The following ASTN1 variants were observed in gnomAD, a reference collection of about 807,000 sequenced individuals.
The protein encoded by ASTN1 is astrotactin 1, also known as astrotactin-1.
A neutral mutation model predicts 140.7 loss-of-function variants in ASTN1; 41 were observed. The ratio of observed to expected loss-of-function variants is 0.29; its 90% CI spans 0.23 to 0.38. The LOEUF is 0.38. Ranked by LOEUF, ASTN1 falls within the 10% of genes least tolerant of loss-of-function variation. ASTN1 has a pLI of 1.00. For missense variants in ASTN1, 1,479 were observed against 1,678.8 expected, an observed-to-expected ratio of 0.88 and a Z score of 2.08; for synonymous variants, 640 against 652.2, an observed-to-expected ratio of 0.98 and a Z score of 0.29.
chr1:176,873,422 A>T (rs1051055169), intron 21 of ASTN1, among the ~76,000 whole-genome samples: 1 of 152,198 alleles, frequency 6.6e-6, no homozygotes, highest in Non-Finnish European at 1.5e-5. Context: ...TGATGCAGGA[A>T]AATTCCTCAG....
In ASTN1 at chr1:177,033,264, C is replaced by T. The variant is rs1676543467; in HGVS notation, c.472-415G>A. ...TATTTTTTTTAGCAATATGGGGTGACATCTGGTTTCTTCCTGTCTCACGTC... is the reference window on the plus strand; with the variant it reads ...TATTTTTTTTAGCAATATGGGGTGATATCTGGTTTCTTCCTGTCTCACGTC... On this transcript the variant is annotated intron_variant, in intron 2 of 22. Coordinates refer to ENST00000361833, the MANE Select transcript of ASTN1 (RefSeq NM_004319.3). Among the ~76,000 whole-genome samples, 3 of 151,924 alleles carry T rather than the reference C, an allele frequency of 2.0e-5. No individual in the cohort carries two copies. In the South Asian group the frequency reaches 6.2e-4, roughly 31 times the overall value.
intron 14 of ASTN1, among the ~76,000 whole-genome samples, chr1:176,939,111 C>CAA (rs34775788): frequency 7.6e-6 from 1 of 131,810 alleles, no homozygotes. Context: ...GACACCATCT[C>CAA]AAAAAAAAAA....
intron 11 of ASTN1, among the ~76,000 whole-genome samples, chr1:176,950,545 G>A (rs1557984551): frequency 6.6e-6 from 1 of 152,010 alleles, no homozygotes; most frequent in African/African-American, 2.4e-5. Flanking sequence ...CATTAACATT[G>A]CCAGTTAATT....
intron 2 of ASTN1, among the ~76,000 whole-genome samples, chr1:177,055,055 C>A (rs931326268): frequency 6.6e-6 from 1 of 152,116 alleles, no homozygotes; most frequent in African/African-American, 2.4e-5. Context: ...ACAGAGAAGG[C>A]CTCAGTGGAT....
chr1:177,147,647 A>T (rs1294227995), intron 1 of ASTN1, among the ~76,000 whole-genome samples: 1 of 152,168 alleles, frequency 6.6e-6, no homozygotes, highest in Non-Finnish European at 1.5e-5. Context: ...TATGAAGTGG[A>T]GGAGAGTTGT....
intron 2 of ASTN1, among the ~76,000 whole-genome samples, chr1:177,043,813 C>A (rs1029842453): frequency 6.6e-6 from 1 of 152,186 alleles, no homozygotes; most frequent in Non-Finnish European, 1.5e-5. Context: ...CCCTTCATTC[C>A]TTGCCAGCAA....
intron 8 of ASTN1, among the ~76,000 whole-genome samples, chr1:176,983,406 A>G (rs1275818046): frequency 1.3e-5 from 2 of 152,228 alleles, no homozygotes. Flanking sequence ...AAAGACAGAT[A>G]GGAAAAAGCA....
At chr1:177,045,658 C>T (rs766314533) in intron 2 of ASTN1, among the ~76,000 whole-genome samples, 1 of 152,174 alleles carries the variant, frequency 6.6e-6, no homozygotes, top group South Asian at 2.1e-4. Context: ...CTTCTCTTCA[C>T]CCAACCTCAC....
Position 176,864,536 on chromosome 1 carries a change from C to CA in ASTN1, c.3648-16dup. Reference sequence around the variant, plus strand: ...GACCAGCTTTCCTATGGATCAAGCACAGAGGATACTTAAGTTAGAAAGAAG... The same window carrying CA: ...GACCAGCTTTCCTATGGATCAAGCACAAGAGGATACTTAAGTTAGAAAGAAG... On this transcript the variant is annotated splice_polypyrimidine_tract_variant and intron_variant, in intron 22 of 22. Coordinates refer to ENST00000361833, the MANE Select transcript of ASTN1 (RefSeq NM_004319.3). The CA allele has an allele frequency of 6.2e-7, 1 of 1,612,014 alleles. No individual in the cohort carries two copies. Among genetic ancestry groups the CA allele is most frequent in the Admixed American group, 1.7e-5 (1 of 59,960 alleles).
At chr1:177,163,567 T>A (rs995205620) in intron 1 of ASTN1, among the ~76,000 whole-genome samples, 9 of 151,510 alleles carry the variant, frequency 5.9e-5, no homozygotes, top group Non-Finnish European at 8.8e-5. Flanking sequence ...ACAGTGGGAG[T>A]ACCAAAAAGA....
chr1:177,150,034 T>C (rs895907155), intron 1 of ASTN1, among the ~76,000 whole-genome samples: 1 of 151,672 alleles, frequency 6.6e-6, no homozygotes, highest in Non-Finnish European at 1.5e-5. Context: ...CAAAATACAT[T>C]GGAAATTGGA....
At chr1:177,127,123 C>CA (rs1194545579) in intron 1 of ASTN1, among the ~76,000 whole-genome samples, 1 of 148,210 alleles carries the variant, frequency 6.7e-6, no homozygotes, top group African/African-American at 2.6e-5. Context: ...ACATGGGCTG[C>CA]AAAAAATGAA....
In ASTN1 at chr1:177,114,059, C is replaced by A. The variant is rs574900780; in HGVS notation, c.283+50335G>T. ...TGTCTGACTTAAATATCATTCAAGG[C>A]AAACATGTTGCCTGGCAGAGCTCAA... On this transcript the variant is annotated intron_variant, in intron 1 of 22. Transcript: ENST00000361833. Among the ~76,000 whole-genome samples the A allele has an allele frequency of 1.3e-4, 20 of 152,256 alleles. 1 individual carries two copies. The South Asian group carries it at 4.2e-3, about 32-fold the overall frequency.
chr1:176,985,644 C>T (rs557996702), intron 8 of ASTN1, among the ~76,000 whole-genome samples: 9 of 152,112 alleles, frequency 5.9e-5, no homozygotes, highest in East Asian at 5.8e-4. Flanking sequence ...GCAGATCCCT[C>T]GCTGCACCTC....
At chr1:177,007,017 A>T (rs1675033126) in intron 8 of ASTN1, among the ~76,000 whole-genome samples, 1 of 152,114 alleles carries the variant, frequency 6.6e-6, no homozygotes, top group African/African-American at 2.4e-5. Flanking sequence ...TGTCTCCAAC[A>T]CCCAGCGGTT....
At chr1:176,884,240 A>G (rs1368076998) in intron 19 of ASTN1, 99 bp downstream of exon 19, 1 of 1,394,110 alleles carries the variant, frequency 7.2e-7, no homozygotes, top group Non-Finnish European at 9.9e-7. Flanking sequence ...GCCCTGGGAT[A>G]CTGGGGACCT....
chr1:177,114,486 A>G (rs1680981860), intron 1 of ASTN1, among the ~76,000 whole-genome samples: 1 of 152,158 alleles, frequency 6.6e-6, no homozygotes, highest in South Asian at 2.1e-4. Context: ...ATTTATATGC[A>G]GTTATAAAAA....
At chr1:177,045,833 G>T (rs922084124) in intron 2 of ASTN1, among the ~76,000 whole-genome samples, 6 of 152,140 alleles carry the variant, frequency 3.9e-5, no homozygotes, top group African/African-American at 1.4e-4. Context: ...ATCATCACCA[G>T]AGAAGTCAAA....
At position 176,861,264 on chromosome 1, in the gene ASTN1, C is replaced by T; in HGVS notation, c.*3020G>A. 1.0e-6 allele frequency: 1 copy of T among 984,866 alleles called. No individual in the cohort carries two copies. Among genetic ancestry groups the T allele is most frequent in the South Asian group, 4.7e-5 (1 of 21,270 alleles). 61.0% of individuals were successfully genotyped at this position (984,866 alleles called of 1,614,324 possible). A position where few individuals can be genotyped will look rare whatever the true frequency, so the allele number is the denominator to read the frequency against. On this transcript the variant is annotated 3_prime_UTR_variant, in exon 23 of 23. Transcript: ENST00000361833. ...TTTGAATATCAAGAAGTGTAGTTAA[C>T]TAAAAAATAATGAACGGACCAAACT...
Sources: gnomAD v4.1 joint callset for allele counts (sites outside exome capture counted in the v4.1 genomes callset) on GRCh38, gnomAD v4.1.1 for gene constraint, MANE v1.5 for transcripts, NCBI Gene and HGNC (gene_info 2026-07-23, HGNC 2026-07-21) for gene names.